Variants in TLN2 observed in about 807,000 individuals in gnomAD.
TLN2 encodes talin 2, also known as talin-2.
A neutral mutation model predicts 294.7 loss-of-function variants in TLN2; 118 were observed. The ratio of observed to expected loss-of-function variants is 0.40; its 90% CI spans 0.34 to 0.47. The LOEUF (loss-of-function observed/expected upper bound fraction) is 0.47, where lower values mean the gene tolerates loss of function less well. Among genes scored for constraint, TLN2 ranks in the 20% least tolerant of loss-of-function variants. The pLI is 0.84. For missense variants in TLN2, 3,083 were observed against 3,282.2 expected (o/e 0.94, Z 1.48); for synonymous variants, 1,431 against 1,304.5 (o/e 1.10, Z -2.09).
intron 52 of TLN2, among the ~76,000 whole-genome samples, chr15:62,813,261 G>T (rs1283249457): frequency 1.3e-5 from 2 of 152,102 alleles, no homozygotes; most frequent in East Asian, 1.9e-4. Context: ...AACTTGCATG[G>T]TTGATATATC....
chr15:62,621,682 G>A (rs1195111100), intron 3 of TLN2, among the ~76,000 whole-genome samples: 3 of 152,210 alleles, frequency 2.0e-5, no homozygotes, highest in African/African-American at 4.8e-5. Flanking sequence ...TCAATGTGAT[G>A]TTATTTGCCT....
intron 4 of TLN2, among the ~76,000 whole-genome samples, chr15:62,649,811 G>A (rs1398983845): frequency 6.6e-6 from 1 of 152,170 alleles, no homozygotes; most frequent in Non-Finnish European, 1.5e-5. Flanking sequence ...AATTTGGACT[G>A]CTTCTAAATT....
At chr15:62,410,743 G>A (rs2033726527) in intron 1 of TLN2, among the ~76,000 whole-genome samples, 1 of 152,196 alleles carries the variant, frequency 6.6e-6, no homozygotes, top group South Asian at 2.1e-4. Flanking sequence ...AGTTCACAGA[G>A]GTTTGGGGGA....
At chr15:62,686,495 C>T in intron 11 of TLN2, 146 bp from the exon 12 acceptor site, 1 of 883,282 alleles carries the variant, frequency 1.1e-6, no homozygotes, top group Non-Finnish European at 1.7e-6. Context: ...AGTTATTCAC[C>T]TAGCCTCAAA....
Position 62,816,350 on chromosome 15 carries a change from T to C in TLN2, c.6772-3166T>C, listed in dbSNP as rs532435423. Among the ~76,000 whole-genome samples the C allele has an allele frequency of 3.3e-5, 5 of 152,394 alleles. No homozygotes were observed. The East Asian group carries it at 9.6e-4, about 29-fold the overall frequency. ...CTCTGCAACTATCACAGTTCAATAT[T>C]TCTGCAAAACCAGTTTGAGATCTTT... On this transcript the variant is annotated intron_variant, in intron 52 of 58. Transcript: ENST00000636159.
At chr15:62,687,154 C>T (rs1000334773) in intron 12 of TLN2, among the ~76,000 whole-genome samples, 3 of 152,172 alleles carry the variant, frequency 2.0e-5, no homozygotes, top group Admixed American at 2.0e-4. Context: ...CACAAAGGCC[C>T]CCTCTCTGTT....
At chr15:62,587,182 G>T (rs935860381) in intron 1 of TLN2, among the ~76,000 whole-genome samples, 3 of 152,374 alleles carry the variant, frequency 2.0e-5, no homozygotes, top group Middle Eastern at 3.4e-3. Context: ...AAGAGCACAT[G>T]TGTGCACGAA....
chr15:62,634,346 T>C (rs2050188289), intron 3 of TLN2, among the ~76,000 whole-genome samples: 2 of 152,368 alleles, frequency 1.3e-5, no homozygotes, highest in South Asian at 4.1e-4. Flanking sequence ...TCTCTTTGAC[T>C]GGTCTGTGCA....
At chr15:62,442,617 G>C (rs1194617393) in intron 1 of TLN2, among the ~76,000 whole-genome samples, 1 of 151,708 alleles carries the variant, frequency 6.6e-6, no homozygotes, top group African/African-American at 2.4e-5. Context: ...ATACATTTTG[G>C]TGACCAGAAG....
chr15:62,796,028 C>T (rs986260358), intron 46 of TLN2, 99 bp from the exon 47 acceptor site: 1 of 1,458,850 alleles, frequency 6.9e-7, no homozygotes, highest in Non-Finnish European at 9.3e-7. Flanking sequence ...CTCTAAGCTA[C>T]ATCAACTCCT....
chr15:62,560,118 G>T (rs1222058950), intron 1 of TLN2, among the ~76,000 whole-genome samples: 1 of 152,226 alleles, frequency 6.6e-6, no homozygotes, highest in Admixed American at 6.5e-5. Context: ...AGGTAGGGCA[G>T]GTCCCTGGGG....
intron 22 of TLN2, among the ~76,000 whole-genome samples, chr15:62,715,217 T>C (rs921164215): frequency 3.9e-5 from 6 of 152,228 alleles, no homozygotes; most frequent in Non-Finnish European, 8.8e-5. Context: ...TATAAATAGC[T>C]CAAAGAAATA....
At position 62,528,978 on chromosome 15, in the gene TLN2, C is replaced by CA. The variant is rs2040885634; in HGVS notation, c.-237-60707dup. On this transcript the variant is annotated intron_variant, in intron 1 of 58. Coordinates refer to ENST00000636159, the MANE Select transcript of TLN2 (RefSeq NM_015059.3). ...AAAACACACATTGCACTGGTTATTT[C>CA]AACTTTTTACTCATAAGTAATACTT... Among the ~76,000 whole-genome samples the CA allele has an allele frequency of 2.0e-5, 3 of 152,128 alleles. No individual in the cohort carries two copies. In the South Asian group the frequency reaches 6.2e-4, roughly 32 times the overall value.
intron 43 of TLN2, among the ~76,000 whole-genome samples, chr15:62,780,417 G>GA (rs2064059303): frequency 1.3e-5 from 2 of 152,180 alleles, no homozygotes; most frequent in South Asian, 4.1e-4. Flanking sequence ...AGTTACCACT[G>GA]AAGGACTAGA....
intron 10 of TLN2, among the ~76,000 whole-genome samples, chr15:62,674,596 T>TCC (rs1567321025): frequency 3.4e-5 from 5 of 146,340 alleles, no homozygotes; most frequent in Admixed American, 1.4e-4. Context: ...CCCCCCGCCC[T>TCC]GTTCAAGTGA....
chr15:62,743,264 C>T (rs760221178), intron 32 of TLN2, among the ~76,000 whole-genome samples: 26 of 152,010 alleles, frequency 1.7e-4, no homozygotes, highest in Non-Finnish European at 3.5e-4. Context: ...CTGTGTGTAT[C>T]CTCAAAGTCC....
intron 54 of TLN2, among the ~76,000 whole-genome samples, chr15:62,825,884 T>C (rs1391830466): frequency 8.8e-6 from 1 of 113,756 alleles, no homozygotes; most frequent in African/African-American, 3.7e-5. Flanking sequence ...ATATATATAA[T>C]AAGTCAGGCA....
intron 52 of TLN2, 92 bp from the exon 53 acceptor site, chr15:62,819,424 C>A (rs574130412): frequency 9.4e-7 from 1 of 1,068,464 alleles, no homozygotes; most frequent in Non-Finnish European, 1.4e-6. Flanking sequence ...AACCAGGCTG[C>A]CTGACTCCAC....
In TLN2 at chr15:62,460,515, G is replaced by A. The variant is rs76466200; in HGVS notation, c.-238+69830G>A. On this transcript the variant is annotated intron_variant, in intron 1 of 58. Coordinates refer to ENST00000636159, the MANE Select transcript of TLN2 (RefSeq NM_015059.3). Reference sequence around the variant, plus strand: ...CAACCTCAGGTGATCCACCCGCCTCGGCCTCCCAAAGTGCTGGGATTACAG... The same window carrying A: ...CAACCTCAGGTGATCCACCCGCCTCAGCCTCCCAAAGTGCTGGGATTACAG... 2.9e-4 allele frequency among the ~76,000 whole-genome samples: 44 copies of A among 152,084 alleles called. 1 individual carries two copies. Among genetic ancestry groups the A allele is most frequent in the African/African-American group, 9.4e-4 (39 of 41,494 alleles).
Sources: allele counts gnomAD v4.1 joint callset (sites outside exome capture counted in the v4.1 genomes callset), GRCh38; gene constraint gnomAD v4.1.1; transcripts MANE v1.5; gene names NCBI Gene and HGNC (gene_info 2026-07-23, HGNC 2026-07-21).